RAB37: variants seen among roughly 807,000 people sequenced by gnomAD.
The protein encoded by RAB37 is RAB37, member RAS oncogene family.
In RAB37, 29 loss-of-function variants were observed where a neutral mutation model predicts 33.1. The ratio of observed to expected loss-of-function variants is 0.88; its 90% CI spans 0.65 to 1.20. The LOEUF is 1.20. RAB37 is among the 50% of genes most tolerant of loss of function. The pLI is 0.00. For missense variants in RAB37, 299 were observed against 301.1 expected (o/e 0.99, Z 0.05); for synonymous variants, 128 against 119.5 (o/e 1.07, Z -0.47).
chr17:74,709,207 A>G (rs993405586), intron 1 of RAB37, among the ~76,000 whole-genome samples: 3 of 151,892 alleles, frequency 2.0e-5, no homozygotes, highest in Middle Eastern at 3.2e-3. Context: ...CTGGAGACAG[A>G]GCAAGACTGA....
rs1309830215 is a variant in RAB37 at position 74,730,343 on chromosome 17, G to A, written c.183+977G>A. ...AGGACGCAGCAGTGCCACACTGATGGGAAGAGAGAGAGGAAAACTCAGAAA... is the reference window on the plus strand; with the variant it reads ...AGGACGCAGCAGTGCCACACTGATGAGAAGAGAGAGAGGAAAACTCAGAAA... On this transcript the variant is annotated intron_variant, in intron 2 of 7. Coordinates refer to the RAB37 transcript ENST00000340415. The surrounding 1 kb of genome is among the most constrained non-coding windows in gnomAD (Gnocchi z 4.4). 6.6e-6 allele frequency among the ~76,000 whole-genome samples: 1 copy of A among 152,188 alleles called. No homozygotes were observed.
intron 1 of RAB37, among the ~76,000 whole-genome samples, chr17:74,721,107 T>C (rs2034233303): frequency 6.6e-6 from 1 of 152,182 alleles, no homozygotes. Flanking sequence ...GAGCTTTTTA[T>C]GGGTACAGGG....
chr17:74,731,596 G>T (rs1204014181), intron 2 of RAB37, among the ~76,000 whole-genome samples: 1 of 152,176 alleles, frequency 6.6e-6, no homozygotes, highest in Admixed American at 6.5e-5. Context: ...TGTCGATGGG[G>T]TTCACACAGG....
At chr17:74,736,123 G>C (rs1458271713), upstream of RAB37, among the ~76,000 whole-genome samples, 2 of 152,096 alleles carry the variant, frequency 1.3e-5, no homozygotes, top group Non-Finnish European at 1.5e-5. Flanking sequence ...TGAGGCGGGA[G>C]TATAGCTTGA....
Position 74,745,450 on chromosome 17 carries a change from G to C in RAB37, c.*39G>C. 1 of 1,524,090 alleles carries C rather than the reference G, an allele frequency of 6.6e-7. No individual in the cohort carries two copies. Among genetic ancestry groups the C allele is most frequent in the Non-Finnish European group, 9.1e-7 (1 of 1,098,514 alleles). 94.4% of individuals were successfully genotyped at this position (1,524,090 alleles called of 1,614,324 possible). ...GAGAGGAGGCTCTGGAGGCACACAG[G>C]ATGCAGCCTTCCCCCTCCCAGGCCT... On this transcript the variant is annotated 3_prime_UTR_variant, in exon 9 of 9. Coordinates refer to ENST00000392613, the MANE Select transcript of RAB37 (RefSeq NM_001006638.3). The surrounding 1 kb of genome is among the most constrained non-coding windows in gnomAD (Gnocchi z 4.5).
chr17:74,728,076 G>C (rs1258671654), intron 1 of RAB37, among the ~76,000 whole-genome samples: 2 of 152,034 alleles, frequency 1.3e-5, no homozygotes, highest in African/African-American at 4.8e-5. Flanking sequence ...GCATGTCTGT[G>C]TGTTTCTGAG....
At chr17:74,712,747 G>T (rs1043214247) in intron 1 of RAB37, 1 of 1,481,322 alleles carries the variant, frequency 6.8e-7, no homozygotes, top group Non-Finnish European at 9.4e-7. Flanking sequence ...CTTCTGGCCG[G>T]GTCCCTTCTT....
At chr17:74,708,008 C>T (rs1043745285) in intron 1 of RAB37, among the ~76,000 whole-genome samples, 17 of 151,320 alleles carry the variant, frequency 1.1e-4, no homozygotes, top group African/African-American at 4.1e-4. Context: ...ATTAGCCTGG[C>T]GTGGTGGCAC....
intron 1 of RAB37, among the ~76,000 whole-genome samples, chr17:74,702,861 T>C (rs1337967704): frequency 6.6e-6 from 1 of 152,222 alleles, no homozygotes; most frequent in Non-Finnish European, 1.5e-5. Flanking sequence ...CTGTGGAGAC[T>C]GAAAGGACAC....
intron 1 of RAB37, among the ~76,000 whole-genome samples, chr17:74,727,072 C>T (rs911237915): frequency 5.9e-5 from 9 of 152,228 alleles, no homozygotes; most frequent in Non-Finnish European, 1.2e-4. Flanking sequence ...CTTCTCCCTC[C>T]CAGTTCAGAC....
intron 1 of RAB37, among the ~76,000 whole-genome samples, chr17:74,687,063 G>A (rs1402552316): frequency 6.6e-6 from 1 of 152,166 alleles, no homozygotes; most frequent in Non-Finnish European, 1.5e-5. Context: ...ACACAAGGGT[G>A]CAGAATGTCC....
chr17:74,690,529 T>A (rs370971511), intron 1 of RAB37, among the ~76,000 whole-genome samples: 1 of 152,134 alleles, frequency 6.6e-6, no homozygotes, highest in Middle Eastern at 3.4e-3. Context: ...CATGATGGGG[T>A]GCGGGGATAC....
intron 1 of RAB37, among the ~76,000 whole-genome samples, chr17:74,697,688 G>A (rs75091808): frequency 5.9e-5 from 9 of 152,266 alleles, no homozygotes; most frequent in Non-Finnish European, 1.0e-4. Flanking sequence ...TTTTGTTGAG[G>A]CCAGGCCTCA....
intron 1 of RAB37, among the ~76,000 whole-genome samples, chr17:74,707,650 G>A (rs374879854): frequency 6.6e-6 from 1 of 151,780 alleles, no homozygotes; most frequent in East Asian, 1.9e-4. Flanking sequence ...GGGAGGCGGA[G>A]GTTGCAGTGA....
At chr17:74,714,820 G>C (rs978058280) in intron 1 of RAB37, among the ~76,000 whole-genome samples, 23 of 152,106 alleles carry the variant, frequency 1.5e-4, no homozygotes, top group African/African-American at 5.6e-4. Flanking sequence ...CGGGACTGGG[G>C]ATATAAAAGG....
intron 1 of RAB37, among the ~76,000 whole-genome samples, chr17:74,675,985 G>A (rs1230310169): frequency 1.3e-5 from 2 of 152,128 alleles, no homozygotes; most frequent in Non-Finnish European, 2.9e-5. Context: ...AAACAAAGGA[G>A]CAACCTGGCT....
chr17:74,683,866 C>T (rs932166803), intron 1 of RAB37, among the ~76,000 whole-genome samples: 1 of 152,054 alleles, frequency 6.6e-6, no homozygotes, highest in Admixed American at 6.6e-5. Context: ...TGGTTGCGTC[C>T]CCAGGACAGC....
At chr17:74,698,580 T>C in intron 1 of RAB37, 1 of 1,521,960 alleles carries the variant, frequency 6.6e-7, no homozygotes, top group Admixed American at 2.0e-5. Context: ...ACACACCTGA[T>C]GAGCTGCAGG....
At chr17:74,674,032 T>G (rs1263966151) in intron 1 of RAB37, among the ~76,000 whole-genome samples, 1 of 152,182 alleles carries the variant, frequency 6.6e-6, no homozygotes, top group African/African-American at 2.4e-5. Context: ...TTGATTAGTG[T>G]CTATTGTCCA....
Sources: allele counts gnomAD v4.1 joint callset (sites outside exome capture counted in the v4.1 genomes callset), GRCh38; gene constraint gnomAD v4.1.1; non-coding constraint Gnocchi (gnomAD v3.1); transcripts MANE v1.5; gene names NCBI Gene and HGNC (gene_info 2026-07-23, HGNC 2026-07-21).